Variants in MTUS2 observed in about 807,000 individuals in gnomAD.
MTUS2 encodes microtubule-associated tumor suppressor candidate 2.
A neutral mutation model predicts 114.1 loss-of-function variants in MTUS2; 40 were observed. That is an observed-to-expected ratio of 0.35 (90% CI 0.27 to 0.46). MTUS2 has a LOEUF of 0.46. Ranked by LOEUF, MTUS2 falls within the 20% of genes least tolerant of loss-of-function variation. The pLI is 1.00. For missense variants in MTUS2, 1,679 were observed against 1,705.4 expected, an observed-to-expected ratio of 0.98 and a Z score of 0.27; for synonymous variants, 688 against 672.0, an observed-to-expected ratio of 1.02 and a Z score of -0.37.
At chr13:29,119,039 C>T (rs1476469452) in intron 5 of MTUS2, among the ~76,000 whole-genome samples, 1 of 152,030 alleles carries the variant, frequency 6.6e-6, no homozygotes, top group Non-Finnish European at 1.5e-5. Context: ...ATTTCTTGTA[C>T]GTTTTTCTCT....
intron 9 of MTUS2, among the ~76,000 whole-genome samples, chr13:29,464,775 T>C (rs746796820): frequency 3.3e-5 from 5 of 152,210 alleles, no homozygotes; most frequent in Non-Finnish European, 7.3e-5. Context: ...CAGCAGTGAT[T>C]CTCAAAGTGT....
chr13:29,231,795 G>C (rs1896334796), intron 5 of MTUS2, among the ~76,000 whole-genome samples: 1 of 151,936 alleles, frequency 6.6e-6, no homozygotes, highest in Non-Finnish European at 1.5e-5. Context: ...CATTTATTGT[G>C]GTTTATTTCA....
chr13:29,058,739 G>T (rs1291746382), intron 4 of MTUS2, among the ~76,000 whole-genome samples: 4 of 136,102 alleles, frequency 2.9e-5, no homozygotes, highest in African/African-American at 1.2e-4. Context: ...ACAGGCCCTG[G>T]TATGTGATGT....
chr13:28,964,460 C>T (rs7334296), intron 2 of MTUS2, among the ~76,000 whole-genome samples: 61,679 of 151,896 alleles, frequency 0.41, 12,918 homozygotes, highest in Middle Eastern at 0.59. Context: ...ATTAACACCA[C>T]CAGCAGCAAC....
At chr13:29,403,257 C>T (rs1225030352) in intron 8 of MTUS2, among the ~76,000 whole-genome samples, 2 of 152,170 alleles carry the variant, frequency 1.3e-5, no homozygotes, top group Non-Finnish European at 2.9e-5. Context: ...TACCACTCCT[C>T]TTGTGTGTTT....
At chr13:29,364,870 C>G (rs1870571265) in intron 8 of MTUS2, among the ~76,000 whole-genome samples, 1 of 152,190 alleles carries the variant, frequency 6.6e-6, no homozygotes, top group Non-Finnish European at 1.5e-5. Context: ...GTGCCTCTCC[C>G]ACTTATAAAC....
chr13:29,429,564 A>C (rs1471990003), intron 8 of MTUS2, among the ~76,000 whole-genome samples: 1 of 152,218 alleles, frequency 6.6e-6, no homozygotes, highest in Non-Finnish European at 1.5e-5. Flanking sequence ...TCCAACACAA[A>C]GCCTTTCTTT....
chr13:28,926,069 CT>C (rs954975016), intron 2 of MTUS2, among the ~76,000 whole-genome samples: 13 of 152,336 alleles, frequency 8.5e-5, no homozygotes, highest in African/African-American at 2.9e-4. Flanking sequence ...TGATCACCCC[CT>C]CTTCCTTATT....
chr13:28,937,658 C>A (rs1881982113), intron 2 of MTUS2, among the ~76,000 whole-genome samples: 1 of 152,160 alleles, frequency 6.6e-6, no homozygotes, highest in African/African-American at 2.4e-5. Flanking sequence ...TGGCTGTCAT[C>A]CTGGCACAAA....
In MTUS2 at chr13:29,235,800, TATTA is replaced by T. The variant is rs66519623; in HGVS notation, c.2645-45900_2645-45897del. ...GTACTGTTGGACTAGGTTATTTGCATATTAATTCTTTATGATTCACTCATGACCA... is the reference window on the plus strand; with the variant it reads ...GTACTGTTGGACTAGGTTATTTGCATATTCTTTATGATTCACTCATGACCA... On this transcript the variant is annotated intron_variant, in intron 5 of 15. Transcript: ENST00000612955. 6.6e-3 allele frequency among the ~76,000 whole-genome samples: 1,006 copies of T among 152,332 alleles called. 28 individuals are homozygous for T. In the East Asian group the frequency reaches 0.081, roughly 12 times the overall value.
intron 2 of MTUS2, among the ~76,000 whole-genome samples, chr13:28,873,953 C>T (rs1301338626): frequency 6.6e-6 from 1 of 152,162 alleles, no homozygotes; most frequent in Admixed American, 6.5e-5. Flanking sequence ...CTAATCAACA[C>T]TTGATTAATA....
chr13:28,891,704 C>T (rs960489830), intron 2 of MTUS2, among the ~76,000 whole-genome samples: 3 of 151,716 alleles, frequency 2.0e-5, no homozygotes, highest in African/African-American at 7.3e-5. Flanking sequence ...ATGGTGAAAT[C>T]CCATCTGTAC....
intron 5 of MTUS2, among the ~76,000 whole-genome samples, chr13:29,218,155 A>G (rs186932502): frequency 6.6e-6 from 1 of 151,112 alleles, no homozygotes; most frequent in Non-Finnish European, 1.5e-5. Context: ...CAAAACAAAA[A>G]AAAAACACCT....
chr13:28,841,866 T>A (rs566929901), intron 2 of MTUS2, among the ~76,000 whole-genome samples: 20 of 152,304 alleles, frequency 1.3e-4, no homozygotes, highest in Non-Finnish European at 2.5e-4. Flanking sequence ...TTTGTATTTT[T>A]AGTAGAGACG....
intron 4 of MTUS2, among the ~76,000 whole-genome samples, chr13:29,094,565 C>T (rs1217964800): frequency 6.6e-6 from 1 of 151,780 alleles, no homozygotes; most frequent in Non-Finnish European, 1.5e-5. Flanking sequence ...TAATTTGAGC[C>T]TTCTGTTTTT....
At chr13:28,952,129 T>C (rs1316934214) in intron 2 of MTUS2, among the ~76,000 whole-genome samples, 1 of 152,250 alleles carries the variant, frequency 6.6e-6, no homozygotes, top group Non-Finnish European at 1.5e-5. Flanking sequence ...AAAATTTCTT[T>C]ATTTGATACT....
chr13:28,866,768 C>T (rs1360378232), intron 2 of MTUS2, among the ~76,000 whole-genome samples: 1 of 151,968 alleles, frequency 6.6e-6, no homozygotes, highest in Non-Finnish European at 1.5e-5. Flanking sequence ...TAGACAGGTT[C>T]CTCTGTCTTG....
chr13:28,957,753 G>A (rs977702101), intron 2 of MTUS2, among the ~76,000 whole-genome samples: 6 of 152,146 alleles, frequency 3.9e-5, no homozygotes, highest in Admixed American at 3.9e-4. Context: ...ACTTGCCAAG[G>A]CCACAGAGGT....
At chr13:29,209,066 T>G (rs1457536896) in intron 5 of MTUS2, among the ~76,000 whole-genome samples, 3 of 152,142 alleles carry the variant, frequency 2.0e-5, no homozygotes, top group Non-Finnish European at 2.9e-5. Context: ...TGTCTCTTTT[T>G]TAAAGTCTAT....
Sources: gnomAD v4.1 joint callset for allele counts (sites outside exome capture counted in the v4.1 genomes callset) on GRCh38, gnomAD v4.1.1 for gene constraint, MANE v1.5 for transcripts, NCBI Gene and HGNC (gene_info 2026-07-23, HGNC 2026-07-21) for gene names.